Variants in LEMD3 observed in about 807,000 individuals in gnomAD.
LEMD3 encodes the protein LEM domain containing 3, also known as inner nuclear membrane protein Man1.
LEMD3 carries 33 observed loss-of-function variants against 95.2 expected under a neutral mutation model. The observed-to-expected ratio is 0.35, with a 90% CI of 0.26 to 0.46. The LOEUF is 0.46. LEMD3 is among the 20% of genes least tolerant of loss of function. The pLI is 1.00. For missense variants in LEMD3, 1,210 were observed against 1,192.8 expected, an observed-to-expected ratio of 1.01 and a Z score of -0.21; for synonymous variants, 525 against 474.6, an observed-to-expected ratio of 1.11 and a Z score of -1.38.
chr12:65,245,963 C>T lies in LEMD3; in HGVS notation c.2572+24C>T, dbSNP rs542977753. ...TGGTAAGAAATTTGAGTACTACAAA[C>T]ATTTTGAAAAGATAGTTATAGTTTA... is the stretch of plus-strand genomic sequence containing the variant. On this transcript the variant is annotated intron_variant, in intron 12 of 12. Coordinates refer to ENST00000308330, the MANE Select transcript of LEMD3 (RefSeq NM_014319.5). The T allele has an allele frequency of 5.2e-6, 8 of 1,535,722 alleles. No individual in the cohort carries two copies. In the Admixed American group the frequency reaches 1.3e-4, roughly 26 times the overall value.
chr12:65,196,599 ACCTTATATAAGACTATATTGG>A (rs2136327832), intron 1 of LEMD3, among the ~76,000 whole-genome samples: 1 of 152,104 alleles, frequency 6.6e-6, no homozygotes, highest in South Asian at 2.1e-4. Context: ...TACCTAACTT[ACCTTATATAAGACTATATTGG>A]GCCTCCTGCT....
chr12:65,203,990 T>TC (rs891327383), intron 1 of LEMD3, among the ~76,000 whole-genome samples: 7 of 152,172 alleles, frequency 4.6e-5, no homozygotes, highest in African/African-American at 1.7e-4. Flanking sequence ...TATAACTTCC[T>TC]CCATGTTTTT....
intron 1 of LEMD3, among the ~76,000 whole-genome samples, chr12:65,175,696 C>G (rs1868698800): frequency 6.6e-6 from 1 of 152,192 alleles, no homozygotes; most frequent in South Asian, 2.1e-4. Flanking sequence ...ACACATTTCT[C>G]TAGGAAGTTT....
In LEMD3 at chr12:65,169,730, A is replaced by T. The variant is rs1868447187; in HGVS notation, c.134A>T (p.Lys45Met). ...CCGGTCTACCTCAAGAAGCTGAAGA[A>T]GCTTCGAGAGGAAGAGCAGCAACAG... ...TRPVYLKKLKKLREEEQQQHR... is the reference protein window; with the variant it reads ...TRPVYLKKLKMLREEEQQQHR... The change falls in exon 1 of 13, where the codon AAG (lysine) becomes ATG (methionine). Residue 45 changes from lysine to methionine, a missense_variant. Lys to Met is a moderately conservative substitution (Grantham distance 95, BLOSUM62 -1). Transcript: ENST00000308330. 1 of 1,590,596 alleles carries T rather than the reference A, an allele frequency of 6.3e-7. No individual in the cohort carries two copies. The highest frequency in any genetic ancestry group is 1.3e-5 in the African/African-American group (1 of 74,534).
At chr12:65,202,685 TG>T (rs1450977676) in intron 1 of LEMD3, among the ~76,000 whole-genome samples, 1 of 152,136 alleles carries the variant, frequency 6.6e-6, no homozygotes, top group Non-Finnish European at 1.5e-5. Context: ...CATCTGGGCC[TG>T]GTGCTTTATA....
chr12:65,190,616 C>CT (rs1273064359), intron 1 of LEMD3, among the ~76,000 whole-genome samples: 1 of 152,146 alleles, frequency 6.6e-6, no homozygotes, highest in Non-Finnish European at 1.5e-5. Flanking sequence ...CAGTGTAAAT[C>CT]TTACATGTTT....
At chr12:65,216,592 A>G (rs568443153) in intron 3 of LEMD3, among the ~76,000 whole-genome samples, 52 of 151,876 alleles carry the variant, frequency 3.4e-4, no homozygotes, top group African/African-American at 1.2e-3. Flanking sequence ...GCACATGTAA[A>G]CTGCAGTAGC....
intron 9 of LEMD3, among the ~76,000 whole-genome samples, chr12:65,242,908 C>T (rs1166150009): frequency 6.6e-6 from 1 of 152,164 alleles, no homozygotes; most frequent in African/African-American, 2.4e-5. Context: ...CCTACATCAT[C>T]TTAAATAATC....
At chr12:65,200,640 CTGT>C in intron 1 of LEMD3, among the ~76,000 whole-genome samples, 1 of 152,208 alleles carries the variant, frequency 6.6e-6, no homozygotes, top group Middle Eastern at 3.4e-3. Flanking sequence ...GGTGAGATGT[CTGT>C]TAAGTTCTTT....
At chr12:65,238,282 AAT>A (rs1592461989) in intron 4 of LEMD3, among the ~76,000 whole-genome samples, 2 of 152,138 alleles carry the variant, frequency 1.3e-5, no homozygotes, top group East Asian at 3.9e-4. Context: ...AAATATGTAA[AAT>A]ATAAAAAAGC....
At chr12:65,177,696 T>TA (rs1170214909) in intron 1 of LEMD3, among the ~76,000 whole-genome samples, 7 of 152,310 alleles carry the variant, frequency 4.6e-5, no homozygotes. Flanking sequence ...GACCAGTTGT[T>TA]ACAAAGAAGT....
intron 4 of LEMD3, among the ~76,000 whole-genome samples, chr12:65,225,028 C>A (rs961789875): frequency 1.3e-5 from 2 of 152,062 alleles, no homozygotes; most frequent in African/African-American, 4.8e-5. Flanking sequence ...TGCTTTTGAA[C>A]CCCTCTAATG....
At position 65,243,379 on chromosome 12, in the gene LEMD3, T is replaced by A; in HGVS notation, c.2306-9T>A. The A allele has an allele frequency of 6.5e-7, 1 of 1,530,078 alleles. No homozygotes were observed. Among genetic ancestry groups the A allele is most frequent in the Non-Finnish European group, 9.1e-7 (1 of 1,103,424 alleles). The allele number at this position is 1,530,078 out of a possible 1,614,324, so 94.8% of individuals were successfully genotyped here. On this transcript the variant is annotated splice_polypyrimidine_tract_variant and intron_variant, in intron 9 of 12. Coordinates refer to ENST00000308330, the MANE Select transcript of LEMD3 (RefSeq NM_014319.5). ...ATGTCAAATAGTAAAACTAACTTGT[T>A]TTTTGTAGCATTTCATTTAGATAGA...
chr12:65,223,299 ATTTTTTTTTTTT>A (rs35145654), intron 4 of LEMD3, among the ~76,000 whole-genome samples: 1 of 118,658 alleles, frequency 8.4e-6, no homozygotes, highest in Non-Finnish European at 1.7e-5. Context: ...TCATGTGATG[ATTTTTTTTTTTT>A]TTTTTTTTTT....
At chr12:65,172,820 G>C (rs893941816) in intron 1 of LEMD3, among the ~76,000 whole-genome samples, 1 of 151,742 alleles carries the variant, frequency 6.6e-6, no homozygotes, top group Admixed American at 6.6e-5. Flanking sequence ...CCGCCTCCTG[G>C]GTTCAAGTGA....
At chr12:65,184,803 T>TTA (rs1342107133) in intron 1 of LEMD3, among the ~76,000 whole-genome samples, 2 of 152,136 alleles carry the variant, frequency 1.3e-5, no homozygotes, top group Non-Finnish European at 2.9e-5. Flanking sequence ...TTGTCCAAGT[T>TTA]TATAGGGCAG....
Position 65,170,079 on chromosome 12 carries a change from C to T in LEMD3, c.483C>T (p.Asp161=), listed in dbSNP as rs1020316069. The T allele has an allele frequency of 2.0e-6, 3 of 1,483,648 alleles. No homozygotes were observed. The African/African-American group carries it at 4.3e-5, about 21-fold the overall frequency. 91.9% of individuals were successfully genotyped at this position (1,483,648 alleles called of 1,614,324 possible). Residue 161 remains aspartate (D), a synonymous_variant, in exon 1 of 13, where the codon GAC becomes GAT. Transcript: ENST00000308330. ...AGGCCGGCGGCGGCGGGAGGAAAGA[C>T]CGGGCTTCGCTCCAGTACCGCGGGC... The part of the protein sequence containing the change: ...RDQAGGGGRK[D]RASLQYRGLK...
rs777265473 is a variant in LEMD3, at chr12:65,218,657, A to T, written c.1695+38A>T. On this transcript the variant is annotated intron_variant, in intron 4 of 12. Coordinates refer to ENST00000308330, the MANE Select transcript of LEMD3 (RefSeq NM_014319.5). ...ATTAGAATTTTAATAGCTATATTTT[A>T]AAAAATTATATAAATCATTGCTACT... The T allele has an allele frequency of 1.1e-4, 130 of 1,167,828 alleles. 1 individual carries two copies. The highest frequency in any genetic ancestry group is 1.3e-4 in the Non-Finnish European group (104 of 797,268). 72.3% of individuals were successfully genotyped at this position (1,167,828 alleles called of 1,614,324 possible).
chr12:65,210,008 G>A (rs1433109361), intron 1 of LEMD3, among the ~76,000 whole-genome samples: 1 of 151,880 alleles, frequency 6.6e-6, no homozygotes, highest in Non-Finnish European at 1.5e-5. Context: ...TGAAAGCTTT[G>A]AATATTTTCG....
Sources: allele counts gnomAD v4.1 joint callset (sites outside exome capture counted in the v4.1 genomes callset), GRCh38; gene constraint gnomAD v4.1.1; transcripts MANE v1.5; gene names NCBI Gene and HGNC (gene_info 2026-07-23, HGNC 2026-07-21).